Variants in KIRREL1 observed in about 807,000 individuals in gnomAD.
KIRREL1 encodes the protein kirre like nephrin family adhesion molecule 1, also known as kin of IRRE-like protein 1.
Under a neutral mutation model 83.3 loss-of-function variants are expected in KIRREL1, and 25 were observed. The ratio of observed to expected loss-of-function variants is 0.30; its 90% CI spans 0.22 to 0.42. The LOEUF (loss-of-function observed/expected upper bound fraction) is 0.42. KIRREL1 is among the 10% of genes least tolerant of loss of function. KIRREL1 has a pLI of 1.00. For missense variants in KIRREL1, 812 were observed against 1,032.3 expected (o/e 0.79, Z 2.92); for synonymous variants, 388 against 410.4 (o/e 0.95, Z 0.66).
At position 158,094,685 on chromosome 1, in the gene KIRREL1, C is replaced by A; in HGVS notation, c.1839C>A (p.Asp613Glu). 1 of 1,609,784 alleles carries A rather than the reference C, an allele frequency of 6.2e-7. No individual in the cohort carries two copies. The highest frequency in any genetic ancestry group is 8.5e-7 in the Non-Finnish European group (1 of 1,179,528). ...ACTACAACGTGCGTGCCCATGAAGA[C>A]CGCCCGTCTTCCAGGGCAGTGCTCT... The part of the protein sequence containing the change: ...NGYYNVRAHE[D>E]RPSSRAVLYA... Residue 613 changes from aspartate (D) to glutamate (E), a missense_variant, in exon 15 of 15, where the codon GAC becomes GAA. Transcript: ENST00000359209. This position sits in a 1 kb window ranked among gnomAD's most constrained non-coding sequence, Gnocchi z 4.6.
chr1:158,088,283 C>T (rs1662078857), intron 7 of KIRREL1, 44 bp from the exon 8 acceptor site: 1 of 1,600,824 alleles, frequency 6.2e-7, no homozygotes, highest in South Asian at 1.1e-5. Context: ...GAGTTAACCC[C>T]ATGAGCTTGA....
Position 158,095,035 on chromosome 1 carries a change from ACG to A in KIRREL1, c.2191_2192del (p.Ala731HisfsTer49). ...GAGGCGTATGACCCCATTGGCAAGT[ACG>A]CCACAGCCACTCGATTCTCCTACAC... On this transcript the variant is annotated frameshift_variant, in exon 15 of 15. Transcript: ENST00000359209. LOFTEE classifies it high-confidence loss of function. 6.2e-7 allele frequency: 1 copy of A among 1,613,810 alleles called. No homozygotes were observed. The highest frequency in any genetic ancestry group is 8.5e-7 in the Non-Finnish European group (1 of 1,179,852).
At chr1:158,006,193 G>T (rs1232718834) in intron 1 of KIRREL1, among the ~76,000 whole-genome samples, 2 of 152,128 alleles carry the variant, frequency 1.3e-5, no homozygotes, top group South Asian at 4.1e-4. Context: ...TCTCTCTTTA[G>T]GTTGGACTAA....
chr1:157,996,082 A>C (rs1659191354), intron 1 of KIRREL1, among the ~76,000 whole-genome samples: 6 of 135,420 alleles, frequency 4.4e-5, no homozygotes, highest in South Asian at 2.8e-4. Flanking sequence ...TGGTGGGGGA[A>C]TAGGGATGGG....
chr1:157,997,838 T>G (rs1013099845), intron 1 of KIRREL1, among the ~76,000 whole-genome samples: 1 of 152,202 alleles, frequency 6.6e-6, no homozygotes, highest in African/African-American at 2.4e-5. Flanking sequence ...CCCCCTGAGA[T>G]TGGCTGTGTA....
chr1:158,053,667 C>T (rs1660966441), intron 1 of KIRREL1, among the ~76,000 whole-genome samples: 1 of 152,198 alleles, frequency 6.6e-6, no homozygotes, highest in Admixed American at 6.5e-5. Flanking sequence ...TCATTTTCCT[C>T]CTAAACACCA....
chr1:158,048,101 G>C (rs901159149), intron 1 of KIRREL1, among the ~76,000 whole-genome samples: 5 of 152,144 alleles, frequency 3.3e-5, no homozygotes, highest in Non-Finnish European at 5.9e-5. Flanking sequence ...AAAATTGTTA[G>C]AGTCTTCATA....
chr1:157,999,840 TG>T (rs1205314293), intron 1 of KIRREL1, among the ~76,000 whole-genome samples: 3 of 152,138 alleles, frequency 2.0e-5, no homozygotes, highest in Non-Finnish European at 4.4e-5. Context: ...GGAAAAATAA[TG>T]GGCTCTCTCA....
intron 1 of KIRREL1, among the ~76,000 whole-genome samples, chr1:157,995,471 G>C (rs528039106): frequency 1.3e-5 from 2 of 152,102 alleles, no homozygotes; most frequent in African/African-American, 4.8e-5. Context: ...GGGGAGGAAG[G>C]GGGTGGGCCA....
In KIRREL1 at chr1:158,088,705, C is replaced by T. The variant is rs1476048116; in HGVS notation, c.1044+251C>T. Among the ~76,000 whole-genome samples the T allele has an allele frequency of 2.6e-5, 4 of 151,578 alleles. 1 individual carries two copies. The South Asian group carries it at 6.3e-4, about 24-fold the overall frequency. On this transcript the variant is annotated intron_variant, in intron 8 of 14. Coordinates refer to ENST00000359209, the MANE Select transcript of KIRREL1 (RefSeq NM_018240.7). ...TTCACCTTGTTAGCCAGGATGGTCTCGATCTCCTGACCTCGTGATCCGCCC... is the reference window on the plus strand; with the variant it reads ...TTCACCTTGTTAGCCAGGATGGTCTTGATCTCCTGACCTCGTGATCCGCCC...
rs749954360 is a variant in KIRREL1 at position 158,089,604 on chromosome 1, C to A, written c.1147C>A (p.Arg383=). 10 of 1,613,694 alleles carry A rather than the reference C, an allele frequency of 6.2e-6. No individual in the cohort carries two copies. The highest frequency in any genetic ancestry group is 8.5e-6 in the Non-Finnish European group (10 of 1,179,760). The change falls in exon 9 of 15, where the codon CGG becomes AGG. Residue 383 remains arginine (R), a synonymous_variant. Coordinates refer to ENST00000359209, the MANE Select transcript of KIRREL1 (RefSeq NM_018240.7). ...AIVPRIGVAE[R]EVPLYVNGPP... ...CGTGCCTCGAATCGGAGTGGCTGAGCGGGAGGTGCCGCTCTATGTGAACGG... is the reference window on the plus strand; with the variant it reads ...CGTGCCTCGAATCGGAGTGGCTGAGAGGGAGGTGCCGCTCTATGTGAACGG...
intron 1 of KIRREL1, among the ~76,000 whole-genome samples, chr1:158,043,437 C>T (rs1010956539): frequency 2.6e-5 from 4 of 152,330 alleles, no homozygotes; most frequent in Non-Finnish European, 5.9e-5. Context: ...AACCTGTGGC[C>T]TCCACCCCAG....
chr1:158,050,064 A>G (rs1391416447), intron 1 of KIRREL1, among the ~76,000 whole-genome samples: 1 of 152,134 alleles, frequency 6.6e-6, no homozygotes, highest in Non-Finnish European at 1.5e-5. Context: ...GTAAAAAATC[A>G]GTGTCTGGAA....
At chr1:158,013,079 A>G (rs762397819) in intron 1 of KIRREL1, among the ~76,000 whole-genome samples, 1 of 152,242 alleles carries the variant, frequency 6.6e-6, no homozygotes, top group Non-Finnish European at 1.5e-5. Flanking sequence ...AGGAAAAGCT[A>G]GAACTGGAAA....
At position 158,093,800 on chromosome 1, in the gene KIRREL1, C is replaced by T. The variant is rs779883723; in HGVS notation, c.1719+38C>T. ...CTCCTCTCTGGCCTCCTGCCTTCTC[C>T]ACCCTCTGAGGACCAGCTCCATCCC... On this transcript the variant is annotated intron_variant, in intron 13 of 14. Transcript: ENST00000359209. 6 of 1,610,756 alleles carry T rather than the reference C, an allele frequency of 3.7e-6. No homozygotes were observed. In the African/African-American group the frequency reaches 6.7e-5, roughly 18 times the overall value.
At chr1:158,078,396 C>T (rs1279820806) in intron 3 of KIRREL1, among the ~76,000 whole-genome samples, 3 of 152,174 alleles carry the variant, frequency 2.0e-5, no homozygotes, top group Non-Finnish European at 4.4e-5. Flanking sequence ...CACTCAGGGA[C>T]AGGGCCTTCT....
intron 1 of KIRREL1, among the ~76,000 whole-genome samples, chr1:158,010,955 A>G (rs1009234711): frequency 6.6e-6 from 1 of 152,182 alleles, no homozygotes; most frequent in Non-Finnish European, 1.5e-5. Flanking sequence ...CCAGACATTT[A>G]AAATTCTTTT....
intron 1 of KIRREL1, among the ~76,000 whole-genome samples, chr1:158,011,780 G>GGAA (rs1206426965): frequency 6.6e-6 from 1 of 152,168 alleles, no homozygotes; most frequent in East Asian, 1.9e-4. Context: ...CAGCAGTGGG[G>GGAA]GAAGGAGCCT....
chr1:158,003,356 G>T (rs1373105253), intron 1 of KIRREL1, among the ~76,000 whole-genome samples: 2 of 152,156 alleles, frequency 1.3e-5, no homozygotes, highest in African/African-American at 4.8e-5. Flanking sequence ...AGAAGTTGAA[G>T]TTTTCATCTC....
Sources: gnomAD v4.1 joint callset for allele counts (sites outside exome capture counted in the v4.1 genomes callset) on GRCh38, gnomAD v4.1.1 for gene constraint, Gnocchi (gnomAD v3.1) non-coding constraint, MANE v1.5 for transcripts, NCBI Gene and HGNC (gene_info 2026-07-23, HGNC 2026-07-21) for gene names.